The following SYNDIG1 variants were observed in gnomAD, a reference collection of about 807,000 sequenced individuals.
The protein encoded by SYNDIG1 is synapse differentiation inducing 1.
A neutral mutation model predicts 19.4 loss-of-function variants in SYNDIG1; 9 were observed. The observed-to-expected ratio is 0.46, with a 90% CI of 0.28 to 0.81. The LOEUF (loss-of-function observed/expected upper bound fraction) is 0.81, where lower values mean the gene tolerates loss of function less well. SYNDIG1 is among the 30% of genes least tolerant of loss of function. SYNDIG1 has a pLI of 0.12. For synonymous variants in SYNDIG1, 141 were observed against 145.9 expected (o/e 0.97, Z 0.24); for missense variants, 311 against 343.3 (o/e 0.91, Z 0.74).
chr20:24,588,807 C>A (rs2058460175), intron 3 of SYNDIG1, among the ~76,000 whole-genome samples: 4 of 152,226 alleles, frequency 2.6e-5, no homozygotes, highest in African/African-American at 9.6e-5. Flanking sequence ...CTCATAGGAA[C>A]TCCATGACAT....
chr20:24,510,442 G>A (rs1206115406), intron 1 of SYNDIG1, among the ~76,000 whole-genome samples: 5 of 151,326 alleles, frequency 3.3e-5, no homozygotes, highest in East Asian at 3.9e-4. Context: ...GGTGGTGGGC[G>A]CCTGTAATCC....
chr20:24,601,282 C>A (rs1319470479), intron 3 of SYNDIG1, among the ~76,000 whole-genome samples: 1 of 152,062 alleles, frequency 6.6e-6, no homozygotes, highest in Non-Finnish European at 1.5e-5. Context: ...TGTATATTAT[C>A]CTTTGTGGTA....
intron 2 of SYNDIG1, among the ~76,000 whole-genome samples, chr20:24,567,108 A>G (rs138512269): frequency 6.6e-5 from 10 of 152,130 alleles, no homozygotes. Context: ...TGTCTGTCTC[A>G]CAGCCATGAA....
At chr20:24,550,276 A>T (rs993674704) in intron 2 of SYNDIG1, among the ~76,000 whole-genome samples, 2 of 152,206 alleles carry the variant, frequency 1.3e-5, no homozygotes, top group African/African-American at 4.8e-5. Flanking sequence ...TATTGCGAAT[A>T]GCACTGCAAC....
At chr20:24,505,185 G>A (rs963545642) in intron 1 of SYNDIG1, among the ~76,000 whole-genome samples, 2 of 152,198 alleles carry the variant, frequency 1.3e-5, no homozygotes, top group Non-Finnish European at 2.9e-5. Flanking sequence ...GGGCTACAGG[G>A]AGATGAGCTG....
intron 3 of SYNDIG1, among the ~76,000 whole-genome samples, chr20:24,600,890 C>G (rs923520393): frequency 2.0e-5 from 3 of 152,172 alleles, no homozygotes; most frequent in Admixed American, 6.5e-5. Context: ...GCTGGGATTA[C>G]AGGTATGAGC....
At chr20:24,492,871 T>C (rs1019732999) in intron 1 of SYNDIG1, among the ~76,000 whole-genome samples, 5 of 152,202 alleles carry the variant, frequency 3.3e-5, no homozygotes, top group Non-Finnish European at 7.3e-5. Context: ...CTGACACATT[T>C]TGGAAAGTGG....
At chr20:24,652,406 T>C (rs2059482077) in intron 3 of SYNDIG1, among the ~76,000 whole-genome samples, 1 of 152,130 alleles carries the variant, frequency 6.6e-6, no homozygotes, top group African/African-American at 2.4e-5. Context: ...TTCACAAAAC[T>C]TATATGAGCT....
intron 1 of SYNDIG1, among the ~76,000 whole-genome samples, chr20:24,515,805 C>T (rs1177004761): frequency 6.6e-6 from 1 of 152,194 alleles, no homozygotes; most frequent in Non-Finnish European, 1.5e-5. Flanking sequence ...ATCAAGCTAA[C>T]AATGACTTTT....
At chr20:24,642,540 A>G (rs575327285) in intron 3 of SYNDIG1, among the ~76,000 whole-genome samples, 1 of 152,204 alleles carries the variant, frequency 6.6e-6, no homozygotes, top group East Asian at 1.9e-4. Flanking sequence ...AGATTTGTCT[A>G]CCCTCCTCCA....
chr20:24,650,420 T>C (rs567483354), intron 3 of SYNDIG1, among the ~76,000 whole-genome samples: 6 of 152,256 alleles, frequency 3.9e-5, no homozygotes, highest in Non-Finnish European at 8.8e-5. Context: ...TCAGTCCACA[T>C]GGCACGTATC....
chr20:24,632,815 C>T (rs922161873), intron 3 of SYNDIG1, among the ~76,000 whole-genome samples: 5 of 152,286 alleles, frequency 3.3e-5, no homozygotes, highest in Admixed American at 2.6e-4. Flanking sequence ...GGAAGGCCAT[C>T]GGGGCTTCCA....
At chr20:24,506,264 G>A (rs6076231) in intron 1 of SYNDIG1, among the ~76,000 whole-genome samples, 85,411 of 152,122 alleles carry the variant, frequency 0.56, 25,106 homozygotes, top group East Asian at 0.73. Context: ...AAGACAAGGG[G>A]CATGTGGAAT....
At chr20:24,538,557 G>A (rs2057406208) in intron 1 of SYNDIG1, among the ~76,000 whole-genome samples, 1 of 152,140 alleles carries the variant, frequency 6.6e-6, no homozygotes, top group Admixed American at 6.5e-5. Flanking sequence ...GTGCTGCTAT[G>A]AACATGGCAT....
chr20:24,657,812 T>A (rs2059543386), intron 3 of SYNDIG1, among the ~76,000 whole-genome samples: 1 of 151,882 alleles, frequency 6.6e-6, no homozygotes, highest in Non-Finnish European at 1.5e-5. Flanking sequence ...AAACATTAGA[T>A]GATGATAAAT....
intron 1 of SYNDIG1, among the ~76,000 whole-genome samples, chr20:24,526,322 G>A (rs2146583513): frequency 6.6e-6 from 1 of 151,404 alleles, no homozygotes; most frequent in East Asian, 1.9e-4. Context: ...ATTTGATTGA[G>A]GTTTTACTAC....
chr20:24,655,656 C>T (rs1432083335), intron 3 of SYNDIG1, among the ~76,000 whole-genome samples: 3 of 151,978 alleles, frequency 2.0e-5, no homozygotes, highest in Non-Finnish European at 4.4e-5. Context: ...TTTTACCAAA[C>T]ACTGTGAACA....
intron 2 of SYNDIG1, among the ~76,000 whole-genome samples, chr20:24,545,280 G>T (rs936720719): frequency 2.0e-5 from 3 of 152,140 alleles, no homozygotes; most frequent in Non-Finnish European, 4.4e-5. Context: ...GGGCATCTGC[G>T]CAGGCCCCAA....
At chr20:24,549,288 A>G (rs2057656014) in intron 2 of SYNDIG1, among the ~76,000 whole-genome samples, 1 of 152,098 alleles carries the variant, frequency 6.6e-6, no homozygotes, top group African/African-American at 2.4e-5. Context: ...AACTCCTTTT[A>G]GCTTCCACGA....
Sources: gnomAD v4.1 joint callset for allele counts (sites outside exome capture counted in the v4.1 genomes callset) on GRCh38, gnomAD v4.1.1 for gene constraint, MANE v1.5 for transcripts, NCBI Gene and HGNC (gene_info 2026-07-23, HGNC 2026-07-21) for gene names.